Variants in UBE3D observed in about 807,000 individuals in gnomAD.
UBE3D encodes ubiquitin protein ligase E3D.
UBE3D carries 48 observed loss-of-function variants against 49.6 expected under a neutral mutation model. That is an observed-to-expected ratio of 0.97 (90% CI 0.77 to 1.23). The LOEUF is 1.23. UBE3D is among the 50% of genes most tolerant of loss of function. The probability of loss-of-function intolerance (pLI) is 0.00; values close to 1 mark genes in which losing one functional copy is unlikely to be tolerated. For missense variants in UBE3D, 452 were observed against 468.4 expected (o/e 0.96, Z 0.32); for synonymous variants, 189 against 174.2 (o/e 1.08, Z -0.67).
In UBE3D at chr6:82,928,512, T is replaced by C. The variant is rs1260442168; in HGVS notation, c.1149+28800A>G. Among the ~76,000 whole-genome samples the C allele has an allele frequency of 3.3e-5, 5 of 152,188 alleles. No homozygotes were observed. The East Asian group carries it at 7.7e-4, about 23-fold the overall frequency. On this transcript the variant is annotated intron_variant, in intron 9 of 9. Coordinates refer to ENST00000369747, the MANE Select transcript of UBE3D (RefSeq NM_198920.3). ...AAATGTATTGAGAAGCTTAAAAAGA[T>C]CTTTTAACATCTGTTTCAGGGACAC...
chr6:82,921,882 C>T (rs1773370621), intron 9 of UBE3D, among the ~76,000 whole-genome samples: 1 of 152,140 alleles, frequency 6.6e-6, no homozygotes, highest in Non-Finnish European at 1.5e-5. Context: ...TAGACATTTT[C>T]ACTAGGAAGA....
intron 9 of UBE3D, among the ~76,000 whole-genome samples, chr6:82,904,077 A>T (rs1771927001): frequency 6.6e-6 from 1 of 152,196 alleles, no homozygotes; most frequent in Admixed American, 6.5e-5. Flanking sequence ...GGTGGCTACC[A>T]GGAAGGTGCA....
intron 1 of UBE3D, among the ~76,000 whole-genome samples, chr6:83,065,209 A>C (rs1784415727): frequency 6.6e-6 from 1 of 152,218 alleles, no homozygotes; most frequent in Admixed American, 6.5e-5. Flanking sequence ...GGTTATTTAC[A>C]AAACAAGAAG....
intron 9 of UBE3D, among the ~76,000 whole-genome samples, chr6:82,952,265 T>C (rs1167706688): frequency 6.6e-6 from 1 of 152,126 alleles, no homozygotes; most frequent in Non-Finnish European, 1.5e-5. Flanking sequence ...TGTGCTCAGT[T>C]TCTGCACCTG....
chr6:82,985,008 C>CTTCTT (rs1778371059), intron 8 of UBE3D, among the ~76,000 whole-genome samples: 2 of 52,998 alleles, frequency 3.8e-5, no homozygotes, highest in Admixed American at 3.1e-4. Flanking sequence ...TCTTCTTCTT[C>CTTCTT]TTTTTTTTTT....
chr6:82,951,950 T>C (rs1222103672), intron 9 of UBE3D, among the ~76,000 whole-genome samples: 1 of 152,088 alleles, frequency 6.6e-6, no homozygotes, highest in Non-Finnish European at 1.5e-5. Flanking sequence ...TAGAACAGTG[T>C]CTCCCCATTT....
intron 8 of UBE3D, among the ~76,000 whole-genome samples, chr6:82,996,027 C>T (rs1582585708): frequency 6.6e-6 from 1 of 151,946 alleles, no homozygotes; most frequent in South Asian, 2.1e-4. Context: ...ATCATGCCAC[C>T]GCACTCCAGC....
At position 82,937,756 on chromosome 6, in the gene UBE3D, G is replaced by A. The variant is rs146933889; in HGVS notation, c.1149+19556C>T. Among the ~76,000 whole-genome samples, 291 of 152,248 alleles carry A rather than the reference G, an allele frequency of 1.9e-3. 2 individuals are homozygous for A. The highest frequency in any genetic ancestry group is 6.0e-3 in the African/African-American group (248 of 41,544). ...GGAGGGTAGAGAAGGAAGACGAAAG[G>A]GGGGAAATTACGGGCTGTCAGAGAA... On this transcript the variant is annotated intron_variant, in intron 9 of 9. Coordinates refer to ENST00000369747, the MANE Select transcript of UBE3D (RefSeq NM_198920.3).
At position 82,986,160 on chromosome 6, in the gene UBE3D, T is replaced by C. The variant is rs150556791; in HGVS notation, c.1011-28710A>G. On this transcript the variant is annotated intron_variant, in intron 8 of 9. Transcript: ENST00000369747. ...CCGTCTTATCCAATAATATGGTATA[T>C]ACTTCCATTTGCTTAAGAATACTTC... is the stretch of plus-strand genomic sequence containing the variant. Among the ~76,000 whole-genome samples the C allele has an allele frequency of 9.2e-3, 1,408 of 152,248 alleles. 12 individuals carry two copies. The highest frequency in any genetic ancestry group is 0.025 in the East Asian group (127 of 5,180).
intron 9 of UBE3D, among the ~76,000 whole-genome samples, chr6:82,948,384 T>C (rs1293161951): frequency 6.6e-6 from 1 of 151,614 alleles, no homozygotes; most frequent in Non-Finnish European, 1.5e-5. Flanking sequence ...AGTTCCCCAG[T>C]AAAGAAAAGC....
Position 83,044,348 on chromosome 6 carries a change from C to A in UBE3D, c.597+80G>T, listed in dbSNP as rs1782876149. 5.1e-6 allele frequency: 7 copies of A among 1,364,520 alleles called. No homozygotes were observed. The South Asian group carries it at 6.3e-5, about 12-fold the overall frequency. The allele number at this position is 1,364,520 out of a possible 1,614,324, so 84.5% of individuals were successfully genotyped here. ...CCTTTACAGCAGTCTATGTAACAAG[C>A]CCTTAATTAGGAAAAGATTGAAGAA... On this transcript the variant is annotated intron_variant, in intron 4 of 9. Transcript: ENST00000369747.
At chr6:82,959,142 C>A (rs763455004) in intron 8 of UBE3D, among the ~76,000 whole-genome samples, 1 of 151,800 alleles carries the variant, frequency 6.6e-6, no homozygotes, top group Non-Finnish European at 1.5e-5. Context: ...AAAAGACAAA[C>A]CATGTCCTCT....
chr6:82,991,106 T>C (rs911887226), intron 8 of UBE3D, among the ~76,000 whole-genome samples: 2 of 152,148 alleles, frequency 1.3e-5, no homozygotes, highest in African/African-American at 2.4e-5. Context: ...CCTGGTGTCC[T>C]CATGTTGGCA....
chr6:82,944,783 A>T (rs1775281693), intron 9 of UBE3D, among the ~76,000 whole-genome samples: 1 of 152,150 alleles, frequency 6.6e-6, no homozygotes, highest in Admixed American at 6.5e-5. Context: ...AAGTTGACTG[A>T]AGTGCCCTTG....
In UBE3D at chr6:83,021,741, C is replaced by T. The variant is rs557565126; in HGVS notation, c.846+712G>A. ...AAAATTAGCCGGGCGTGGTGGCGGG[C>T]GCCTGTAGTCCCACCTACTCGGGAG... On this transcript the variant is annotated intron_variant, in intron 7 of 9. Coordinates refer to ENST00000369747, the MANE Select transcript of UBE3D (RefSeq NM_198920.3). 4.0e-5 allele frequency among the ~76,000 whole-genome samples: 6 copies of T among 151,868 alleles called. No homozygotes were observed. In the East Asian group the frequency reaches 7.8e-4, roughly 20 times the overall value.
intron 8 of UBE3D, among the ~76,000 whole-genome samples, chr6:82,962,274 T>C (rs1375338173): frequency 1.3e-5 from 2 of 152,200 alleles, no homozygotes; most frequent in Non-Finnish European, 2.9e-5. Context: ...AAAGGAAATT[T>C]TAAATGCTAC....
intron 5 of UBE3D, among the ~76,000 whole-genome samples, chr6:83,024,855 T>C (rs893897522): frequency 6.6e-6 from 1 of 152,148 alleles, no homozygotes; most frequent in Admixed American, 6.5e-5. Context: ...AAATTTCAGG[T>C]AGCATCGTTT....
chr6:82,915,989 G>A (rs553219067), intron 9 of UBE3D, among the ~76,000 whole-genome samples: 1 of 152,258 alleles, frequency 6.6e-6, no homozygotes, highest in South Asian at 2.1e-4. Flanking sequence ...GTCTCTAATA[G>A]TCATTGAAGT....
intron 8 of UBE3D, among the ~76,000 whole-genome samples, chr6:82,987,258 T>TAC (rs1457034562): frequency 6.6e-6 from 1 of 152,124 alleles, no homozygotes; most frequent in African/African-American, 2.4e-5. Context: ...AAGTAATCCT[T>TAC]CCACCTCAGC....
Sources: gnomAD v4.1 joint callset for allele counts (sites outside exome capture counted in the v4.1 genomes callset) on GRCh38, gnomAD v4.1.1 for gene constraint, MANE v1.5 for transcripts, NCBI Gene and HGNC (gene_info 2026-07-23, HGNC 2026-07-21) for gene names.